PDE10A: variants seen among roughly 807,000 people sequenced by gnomAD.
The protein encoded by PDE10A is cAMP and cAMP-inhibited cGMP 3',5'-cyclic phosphodiesterase 10A.
A neutral mutation model predicts 97.7 loss-of-function variants in PDE10A; 39 were observed. The ratio of observed to expected loss-of-function variants is 0.40; its 90% confidence interval spans 0.31 to 0.52. PDE10A has a LOEUF of 0.52. Among genes scored for constraint, PDE10A ranks in the 20% least tolerant of loss-of-function variants. PDE10A has a pLI of 0.56. For synonymous variants in PDE10A, 371 were observed against 376.8 expected (o/e 0.98, Z 0.18); for missense variants, 731 against 1,047.8 (o/e 0.70, Z 4.17).
chr6:165,504,978 C>T (rs564881594), intron 2 of PDE10A, among the ~76,000 whole-genome samples: 12 of 152,156 alleles, frequency 7.9e-5, no homozygotes, highest in Non-Finnish European at 1.8e-4. Context: ...TGAGGAGTAT[C>T]AATCCACAGC....
At chr6:165,753,454 C>T (rs541881805) in intron 1 of PDE10A, among the ~76,000 whole-genome samples, 11 of 152,308 alleles carry the variant, frequency 7.2e-5, no homozygotes, top group African/African-American at 2.6e-4. Context: ...CACAGTGGCC[C>T]TAAGGGAAGA....
intron 1 of PDE10A, among the ~76,000 whole-genome samples, chr6:165,913,660 A>G (rs964001475): frequency 6.6e-6 from 1 of 152,188 alleles, no homozygotes; most frequent in Non-Finnish European, 1.5e-5. Flanking sequence ...TGAACGTGGA[A>G]ACACACATGG....
intron 12 of PDE10A, among the ~76,000 whole-genome samples, chr6:165,414,178 G>A (rs992605800): frequency 6.6e-5 from 10 of 152,196 alleles, no homozygotes; most frequent in African/African-American, 2.4e-4. Flanking sequence ...CTGTTTATAA[G>A]TAAAGTTGTA....
intron 2 of PDE10A, among the ~76,000 whole-genome samples, chr6:165,518,333 T>C (rs529527558): frequency 3.3e-5 from 5 of 152,312 alleles, no homozygotes; most frequent in South Asian, 2.1e-4. Flanking sequence ...TCAACCACAA[T>C]ATTAAATGGA....
At chr6:165,527,078 G>T (rs1018805262) in intron 2 of PDE10A, among the ~76,000 whole-genome samples, 16 of 152,160 alleles carry the variant, frequency 1.1e-4, no homozygotes, top group Non-Finnish European at 7.4e-5. Context: ...TAAAATTCAG[G>T]GATCTCCTAA....
intron 7 of PDE10A, among the ~76,000 whole-genome samples, chr6:165,432,408 G>A (rs544794501): frequency 6.0e-4 from 92 of 152,300 alleles, no homozygotes; most frequent in Non-Finnish European, 1.1e-3. Flanking sequence ...CTTGCCTGAG[G>A]ATCCAGCGTG....
At chr6:165,547,978 C>A (rs1391810664) in intron 1 of PDE10A, among the ~76,000 whole-genome samples, 2 of 152,062 alleles carry the variant, frequency 1.3e-5, no homozygotes, top group Non-Finnish European at 2.9e-5. Flanking sequence ...TGCCTATTCA[C>A]GCATATGTAT....
At chr6:165,485,802 C>T (rs563271157) in intron 2 of PDE10A, among the ~76,000 whole-genome samples, 302 of 152,178 alleles carry the variant, frequency 2.0e-3, no homozygotes, top group African/African-American at 7.1e-3. Flanking sequence ...TCATGTTGGC[C>T]AGGCTGGTCT....
At chr6:165,595,574 T>A (rs886649452) in intron 1 of PDE10A, among the ~76,000 whole-genome samples, 2 of 152,232 alleles carry the variant, frequency 1.3e-5, no homozygotes, top group Non-Finnish European at 2.9e-5. Flanking sequence ...ACTTGTGTCA[T>A]AATATAGCCA....
intron 1 of PDE10A, among the ~76,000 whole-genome samples, chr6:165,820,197 C>T (rs1332565828): frequency 1.3e-5 from 2 of 152,172 alleles, no homozygotes; most frequent in East Asian, 1.9e-4. Context: ...CACAGATCTA[C>T]AGCAAAATGT....
chr6:165,912,038 T>C (rs1441271656), intron 1 of PDE10A, among the ~76,000 whole-genome samples: 1 of 144,078 alleles, frequency 6.9e-6, no homozygotes, highest in East Asian at 1.9e-4. Flanking sequence ...TTTTCACCTA[T>C]CTATCTCTAT....
At chr6:165,761,515 T>C (rs908576996) in intron 1 of PDE10A, among the ~76,000 whole-genome samples, 5 of 152,310 alleles carry the variant, frequency 3.3e-5, no homozygotes, top group Non-Finnish European at 7.3e-5. Flanking sequence ...TTTTCCTTCA[T>C]TTTTGCTTGA....
chr6:165,961,118 T>C (rs1475316674), intron 1 of PDE10A, among the ~76,000 whole-genome samples: 2 of 137,720 alleles, frequency 1.5e-5, no homozygotes, highest in African/African-American at 2.6e-5. Flanking sequence ...GGTGGGAGGG[T>C]GGGGATGGGG....
intron 1 of PDE10A, among the ~76,000 whole-genome samples, chr6:165,937,750 A>G (rs1783382456): frequency 6.6e-6 from 1 of 152,212 alleles, no homozygotes; most frequent in Non-Finnish European, 1.5e-5. Context: ...AAGAGCAGCA[A>G]ATCACAATTA....
intron 1 of PDE10A, among the ~76,000 whole-genome samples, chr6:165,802,557 T>C (rs1019045671): frequency 2.6e-5 from 4 of 152,344 alleles, no homozygotes; most frequent in East Asian, 1.9e-4. Flanking sequence ...AGAGCCAGGC[T>C]GCGTGCGGCC....
At chr6:165,496,477 TTTAGGATAATG>T (rs1780543546) in intron 2 of PDE10A, among the ~76,000 whole-genome samples, 1 of 152,222 alleles carries the variant, frequency 6.6e-6, no homozygotes, top group African/African-American at 2.4e-5. Flanking sequence ...AATGAGATGA[TTTAGGATAATG>T]TTAGGATTAA....
Position 165,755,702 on chromosome 6 carries a change from G to A in PDE10A, c.-614-212134C>T, listed in dbSNP as rs1793101006. ...TTGTAGGAAATGGAACAGGGAAAGA[G>A]GGGGCAGCTGATTTGGAAAAGCAGA... On this transcript the variant is annotated intron_variant, in intron 1 of 19. Transcript: ENST00000366882. 2.0e-5 allele frequency among the ~76,000 whole-genome samples: 3 copies of A among 152,160 alleles called. No individual in the cohort carries two copies. The South Asian group carries it at 6.2e-4, about 32-fold the overall frequency.
At chr6:165,748,353 A>G (rs1284984845) in intron 1 of PDE10A, among the ~76,000 whole-genome samples, 1 of 152,116 alleles carries the variant, frequency 6.6e-6, no homozygotes, top group African/African-American at 2.4e-5. Flanking sequence ...CAATTTACCT[A>G]AGGCTTTAGG....
At chr6:165,339,169 C>T in intron 20 of PDE10A, 109 bp downstream of exon 20, 2 of 769,956 alleles carry the variant, frequency 2.6e-6, no homozygotes, top group South Asian at 1.4e-5. Flanking sequence ...TGGAATAACC[C>T]ATTCCCTTAA....
Sources: gnomAD v4.1 joint callset for allele counts (sites outside exome capture counted in the v4.1 genomes callset) on GRCh38, gnomAD v4.1.1 for gene constraint, MANE v1.5 for transcripts, NCBI Gene and HGNC (gene_info 2026-07-23, HGNC 2026-07-21) for gene names.